The following PHKB variants were observed in gnomAD, a reference collection of about 807,000 sequenced individuals.
PHKB encodes phosphorylase b kinase regulatory subunit beta.
In PHKB, 122 loss-of-function variants were observed where a neutral mutation model predicts 152.1. That is an observed-to-expected ratio of 0.80 (90% CI 0.69 to 0.93). PHKB has a LOEUF of 0.93. Among genes scored for constraint, PHKB ranks in the 40% least tolerant of loss-of-function variants. PHKB has a pLI of 0.00. For synonymous variants in PHKB, 436 were observed against 464.9 expected (o/e 0.94, Z 0.80); for missense variants, 1,304 against 1,328.4 (o/e 0.98, Z 0.29).
In PHKB at chr16:47,642,088, C is replaced by T. The variant is rs1973034118; in HGVS notation, c.1608+396C>T. ...TTCTTACATTTTGATTTGGTTTTTT[C>T]ATCCTTTTATCTTTGATTTTTTCGC... On this transcript the variant is annotated intron_variant, in intron 16 of 30. Transcript: ENST00000323584. Among the ~76,000 whole-genome samples, 2 of 151,536 alleles carry T rather than the reference C, an allele frequency of 1.3e-5. 1 individual carries two copies. The highest frequency in any genetic ancestry group is 4.2e-4 in the South Asian group (2 of 4,798).
At chr16:47,554,457 TG>T (rs1476717780) in intron 7 of PHKB, among the ~76,000 whole-genome samples, 7 of 152,164 alleles carry the variant, frequency 4.6e-5, no homozygotes, top group Non-Finnish European at 1.5e-5. Flanking sequence ...CTGGGCTCTA[TG>T]GGGGTGGGAT....
rs950252104 is a variant in PHKB at position 47,641,526 on chromosome 16, C to A, written c.1515-73C>A. ...CCAAGTTAACATGTTCCCTTTTATCCTCCTCCTTCACTGCTTCCTAAACTG... is the reference window on the plus strand; with the variant it reads ...CCAAGTTAACATGTTCCCTTTTATCATCCTCCTTCACTGCTTCCTAAACTG... On this transcript the variant is annotated intron_variant, in intron 15 of 30. Coordinates refer to ENST00000323584, the MANE Select transcript of PHKB (RefSeq NM_000293.3). 3.5e-5 allele frequency: 28 copies of A among 804,834 alleles called. No individual in the cohort carries two copies. In the East Asian group the frequency reaches 6.2e-4, roughly 18 times the overall value. 49.9% of individuals were successfully genotyped at this position (804,834 alleles called of 1,614,324 possible). A position where few individuals can be genotyped will look rare whatever the true frequency, so the allele number is the denominator to read the frequency against.
intron 13 of PHKB, among the ~76,000 whole-genome samples, chr16:47,597,346 G>A (rs1467682918): frequency 1.3e-5 from 2 of 151,870 alleles, no homozygotes; most frequent in Non-Finnish European, 2.9e-5. Context: ...AATCATCTTC[G>A]GTTTTTAAAA....
chr16:47,507,253 G>GC (rs760255531), intron 4 of PHKB, among the ~76,000 whole-genome samples: 3 of 151,858 alleles, frequency 2.0e-5, no homozygotes, highest in Admixed American at 6.6e-5. Flanking sequence ...AGGGTTACAG[G>GC]CGTGAGCCAC....
intron 14 of PHKB, among the ~76,000 whole-genome samples, chr16:47,635,334 A>G (rs992490252): frequency 2.0e-5 from 3 of 152,220 alleles, no homozygotes; most frequent in Non-Finnish European, 2.9e-5. Context: ...GAATAATTAT[A>G]GTAACCTACC....
At position 47,489,153 on chromosome 16, in the gene PHKB, T is replaced by C. The variant is rs137918144; in HGVS notation, c.77-8246T>C. Among the ~76,000 whole-genome samples, 1,267 of 152,172 alleles carry C rather than the reference T, an allele frequency of 8.3e-3. 23 individuals carry two copies. Among genetic ancestry groups the C allele is most frequent in the African/African-American group, 0.029 (1,200 of 41,518 alleles). Reference sequence around the variant, plus strand: ...ACTGTGACCACCTCCCAAGTTCAAGTGATTCTCCCTGCCTCAGCCTCCCGA... The same window carrying C: ...ACTGTGACCACCTCCCAAGTTCAAGCGATTCTCCCTGCCTCAGCCTCCCGA... On this transcript the variant is annotated intron_variant, in intron 1 of 30. Coordinates refer to ENST00000323584, the MANE Select transcript of PHKB (RefSeq NM_000293.3).
intron 13 of PHKB, among the ~76,000 whole-genome samples, chr16:47,597,125 C>T (rs572938101): frequency 6.6e-6 from 1 of 152,196 alleles, no homozygotes; most frequent in Admixed American, 6.5e-5. Context: ...CCTGCAAATT[C>T]CTTGTTCAAA....
intron 6 of PHKB, chr16:47,529,847 T>A (rs147894200): frequency 1.2e-4 from 18 of 152,266 alleles, no homozygotes; most frequent in African/African-American, 3.4e-4. Context: ...CCAGGTAGTG[T>A]TTAATCTTAG....
intron 7 of PHKB, among the ~76,000 whole-genome samples, chr16:47,573,995 C>T (rs753334176): frequency 4.6e-5 from 7 of 152,196 alleles, no homozygotes; most frequent in East Asian, 3.9e-4. Context: ...TCTTGGCTCA[C>T]TGCAACCTCC....
At chr16:47,665,887 A>G in intron 25 of PHKB, 2 of 1,241,348 alleles carry the variant, frequency 1.6e-6, no homozygotes, top group Non-Finnish European at 2.4e-6. Flanking sequence ...GGCCCCATGC[A>G]TTCCTCATCT....
chr16:47,696,046 C>T (rs1323947342), intron 28 of PHKB, among the ~76,000 whole-genome samples: 2 of 152,184 alleles, frequency 1.3e-5, no homozygotes, highest in Admixed American at 6.5e-5. Context: ...CATAACTTCT[C>T]GTGTAAATTC....
intron 1 of PHKB, among the ~76,000 whole-genome samples, chr16:47,470,995 T>A (rs972912117): frequency 6.6e-6 from 1 of 152,212 alleles, no homozygotes; most frequent in Non-Finnish European, 1.5e-5. Context: ...TAACCTCTCC[T>A]TGTACAATCA....
At chr16:47,502,068 G>A (rs1412607151) in intron 3 of PHKB, among the ~76,000 whole-genome samples, 1 of 152,106 alleles carries the variant, frequency 6.6e-6, no homozygotes, top group Non-Finnish European at 1.5e-5. Context: ...CTTCCCAATA[G>A]TGAATGGTAT....
intron 13 of PHKB, among the ~76,000 whole-genome samples, chr16:47,603,136 T>C (rs1183663776): frequency 6.6e-6 from 1 of 152,190 alleles, no homozygotes; most frequent in African/African-American, 2.4e-5. Flanking sequence ...TGTCCCCTAG[T>C]GTATGTATAT....
In PHKB at chr16:47,679,818, T is replaced by C. The variant is rs144692507; in HGVS notation, c.2631-9223T>C. ...CTTCCAACACTATGTTGAATATTAG[T>C]GGTGAGAGAGGGGATCCCTGTCTTG... On this transcript the variant is annotated intron_variant, in intron 26 of 30. Coordinates refer to ENST00000323584, the MANE Select transcript of PHKB (RefSeq NM_000293.3). Among the ~76,000 whole-genome samples the C allele has an allele frequency of 3.3e-3, 503 of 152,282 alleles. 3 individuals carry two copies. Among genetic ancestry groups the C allele is most frequent in the African/African-American group, 0.012 (482 of 41,558 alleles).
At chr16:47,668,072 T>A (rs1338439818) in intron 25 of PHKB, among the ~76,000 whole-genome samples, 2 of 152,226 alleles carry the variant, frequency 1.3e-5, no homozygotes, top group African/African-American at 4.8e-5. Context: ...GAAATGAGAA[T>A]GGAGCATTCA....
At chr16:47,473,218 ATTTTTTTTTTTTTTTTTTTTTT>A (rs1043960499) in intron 1 of PHKB, among the ~76,000 whole-genome samples, 1 of 48,738 alleles carries the variant, frequency 2.1e-5, no homozygotes, top group East Asian at 5.7e-4. Context: ...TGCCTGGCTA[ATTTTTTTTTTTTTTTTTTTTTT>A]TTTTTTTTTT....
chr16:47,613,807 C>T (rs1479025087), intron 14 of PHKB, among the ~76,000 whole-genome samples: 9 of 152,064 alleles, frequency 5.9e-5, no homozygotes, highest in East Asian at 3.8e-4. Context: ...ACTACTAATC[C>T]GTTCTTTATT....
chr16:47,601,951 C>A (rs192553891), intron 13 of PHKB, among the ~76,000 whole-genome samples: 79 of 152,250 alleles, frequency 5.2e-4, no homozygotes, highest in African/African-American at 1.7e-3. Flanking sequence ...AAGATATATT[C>A]TCTTGGTAAA....
Sources: allele counts gnomAD v4.1 joint callset (sites outside exome capture counted in the v4.1 genomes callset), GRCh38; gene constraint gnomAD v4.1.1; transcripts MANE v1.5; gene names NCBI Gene and HGNC (gene_info 2026-07-23, HGNC 2026-07-21).